RAB22A: variants seen among roughly 807,000 people sequenced by gnomAD.
RAB22A encodes the protein ras-related protein Rab-22A.
Under a neutral mutation model 30.2 loss-of-function variants are expected in RAB22A, and 13 were observed. That is an observed-to-expected ratio of 0.43 (90% confidence interval 0.28 to 0.68). The LOEUF is 0.68. Ranked by LOEUF, RAB22A falls within the 30% of genes least tolerant of loss-of-function variation. The pLI, the probability that RAB22A is intolerant of heterozygous loss-of-function variation, is 0.18. For synonymous variants in RAB22A, 89 were observed against 87.2 expected (o/e 1.02, Z -0.11); for missense variants, 177 against 246.8 (o/e 0.72, Z 1.89).
At chr20:58,314,356 C>G (rs1986294202) in intron 2 of RAB22A, among the ~76,000 whole-genome samples, 1 of 152,086 alleles carries the variant, frequency 6.6e-6, no homozygotes, top group Non-Finnish European at 1.5e-5. Context: ...TGAGCCACTG[C>G]GACCAGCCAG....
At chr20:58,349,788 A>G (rs1250970782) in intron 3 of RAB22A, among the ~76,000 whole-genome samples, 2 of 152,214 alleles carry the variant, frequency 1.3e-5, no homozygotes, top group African/African-American at 2.4e-5. Flanking sequence ...TCAGAGAAGA[A>G]AAAAACCAAG....
intron 2 of RAB22A, among the ~76,000 whole-genome samples, chr20:58,327,573 C>G (rs1986589765): frequency 6.6e-6 from 1 of 152,212 alleles, no homozygotes; most frequent in African/African-American, 2.4e-5. Flanking sequence ...GAAGAATTTG[C>G]AGTGCCTTTC....
intron 2 of RAB22A, among the ~76,000 whole-genome samples, chr20:58,333,150 G>A (rs922985760): frequency 9.2e-5 from 14 of 151,842 alleles, no homozygotes; most frequent in African/African-American, 3.1e-4. Context: ...TGTGGTGGCG[G>A]GTACGTGTAA....
chr20:58,332,536 C>G (rs1284273823), intron 2 of RAB22A, among the ~76,000 whole-genome samples: 1 of 152,118 alleles, frequency 6.6e-6, no homozygotes, highest in African/African-American at 2.4e-5. Context: ...ATAAAATGTC[C>G]ATATAAAGTC....
chr20:58,331,493 T>C (rs1478938284), intron 2 of RAB22A, among the ~76,000 whole-genome samples: 1 of 152,220 alleles, frequency 6.6e-6, no homozygotes, highest in Non-Finnish European at 1.5e-5. Context: ...ATTATATACA[T>C]TTATTGTCTA....
chr20:58,335,257 G>A (rs148504178), intron 2 of RAB22A, among the ~76,000 whole-genome samples: 1 of 152,304 alleles, frequency 6.6e-6, no homozygotes, highest in East Asian at 1.9e-4. Context: ...ATGCTGTTAT[G>A]CCGTCACCTC....
intron 2 of RAB22A, among the ~76,000 whole-genome samples, chr20:58,312,369 C>T (rs1986244745): frequency 6.6e-6 from 1 of 150,680 alleles, no homozygotes; most frequent in South Asian, 2.1e-4. Context: ...AGTCATCCTT[C>T]CACCTCAGGT....
Position 58,353,454 on chromosome 20 carries a change from A to G in RAB22A, c.293A>G (p.Asn98Ser). The part of the protein sequence containing the change: ...TKEETFSTLK[N>S]WVKELRQHGP... ...CAGGAGACATTTTCAACATTAAAGA[A>G]TTGGGTGAAAGAGCTTCGACAGCAT... Residue 98 changes from asparagine (N) to serine (S), a missense_variant, in exon 5 of 7, where the codon AAT (asparagine) becomes AGT (serine). Asn to Ser is a conservative substitution (Grantham distance 46). Transcript: ENST00000244040. 6.2e-7 allele frequency: 1 copy of G among 1,613,516 alleles called. No homozygotes were observed.
chr20:58,314,637 T>C (rs1360775327), intron 2 of RAB22A, among the ~76,000 whole-genome samples: 2 of 152,168 alleles, frequency 1.3e-5, no homozygotes, highest in East Asian at 3.9e-4. Context: ...GGTCAGGAGT[T>C]TGAGACCAGC....
rs145826316 is a variant in RAB22A, at chr20:58,323,492, A to G, written c.116+12370A>G. On this transcript the variant is annotated intron_variant, in intron 2 of 6. Coordinates refer to ENST00000244040, the MANE Select transcript of RAB22A (RefSeq NM_020673.3). Reference sequence around the variant, plus strand: ...TGAGATCAGGTAGGATCTCTAGTTCAATGTTCAATAGAAATGGTAATACTA... The same window carrying G: ...TGAGATCAGGTAGGATCTCTAGTTCGATGTTCAATAGAAATGGTAATACTA... Among the ~76,000 whole-genome samples the G allele has an allele frequency of 2.2e-3, 342 of 152,154 alleles. 1 individual carries two copies. Among genetic ancestry groups the G allele is most frequent in the African/African-American group, 7.7e-3 (321 of 41,542 alleles).
chr20:58,348,474 T>A (rs1450060436), intron 3 of RAB22A, among the ~76,000 whole-genome samples: 8 of 151,978 alleles, frequency 5.3e-5, no homozygotes, highest in Non-Finnish European at 1.2e-4. Context: ...GAAACCAGAG[T>A]CTGCAGTGCA....
In RAB22A at chr20:58,309,820, G is replaced by C; in HGVS notation, c.-157G>C. 1.6e-6 allele frequency: 1 copy of C among 641,760 alleles called. No homozygotes were observed. The highest frequency in any genetic ancestry group is 2.2e-6 in the Non-Finnish European group (1 of 449,866). The allele number at this position is 641,760 out of a possible 1,614,324, so 39.8% of individuals were successfully genotyped here. On this transcript the variant is annotated 5_prime_UTR_variant, in exon 1 of 7. Transcript: ENST00000244040. ...GCCCCACGCGGCTGGCAGCGGACAG[G>C]CCGGACCTACGGCCGGAGGACGGGC...
At chr20:58,325,772 C>T (rs966523677) in intron 2 of RAB22A, among the ~76,000 whole-genome samples, 16 of 152,140 alleles carry the variant, frequency 1.1e-4, no homozygotes, top group African/African-American at 3.9e-4. Flanking sequence ...ATAGTCCATC[C>T]TGGTAAATGT....
In RAB22A at chr20:58,356,504, G is replaced by C. The variant is rs553515696; in HGVS notation, c.487+2239G>C. ...TAAAACTGCGTGAGCACAGTGCCTG[G>C]CACACTGACTTTGTATTGAAGTATA... is the stretch of plus-strand genomic sequence containing the variant. On this transcript the variant is annotated intron_variant, in intron 6 of 6. Coordinates refer to ENST00000244040, the MANE Select transcript of RAB22A (RefSeq NM_020673.3). Among the ~76,000 whole-genome samples the C allele has an allele frequency of 4.6e-5, 7 of 152,242 alleles. No individual in the cohort carries two copies. The East Asian group carries it at 1.3e-3, about 29-fold the overall frequency.
intron 6 of RAB22A, among the ~76,000 whole-genome samples, chr20:58,354,757 C>T (rs1987105555): frequency 6.6e-6 from 1 of 152,114 alleles, no homozygotes; most frequent in Non-Finnish European, 1.5e-5. Flanking sequence ...CTTTGGGATC[C>T]TCTGCAGATC....
At chr20:58,344,476 C>A (rs1986910697) in intron 3 of RAB22A, among the ~76,000 whole-genome samples, 1 of 152,052 alleles carries the variant, frequency 6.6e-6, no homozygotes, top group African/African-American at 2.4e-5. Flanking sequence ...TCTGCCTCCT[C>A]CCCTTTGCTC....
intron 3 of RAB22A, among the ~76,000 whole-genome samples, chr20:58,349,329 G>A (rs973250471): frequency 6.6e-6 from 1 of 152,138 alleles, no homozygotes; most frequent in Non-Finnish European, 1.5e-5. Flanking sequence ...AGTGGCACAG[G>A]GTAGCTAGTA....
Position 58,316,206 on chromosome 20 carries a change from G to C in RAB22A, c.116+5084G>C, listed in dbSNP as rs115145149. Among the ~76,000 whole-genome samples the C allele has an allele frequency of 9.3e-3, 1,417 of 152,290 alleles. 23 individuals are homozygous for C. Among genetic ancestry groups the C allele is most frequent in the Middle Eastern group, 0.031 (9 of 294 alleles). On this transcript the variant is annotated intron_variant, in intron 2 of 6. Transcript: ENST00000244040. Reference sequence around the variant, plus strand: ...AGAATGTAAATGGGAGATGGACCAGGTAGAAACACTGGAGGGAGGCTCTCA... The same window carrying C: ...AGAATGTAAATGGGAGATGGACCAGCTAGAAACACTGGAGGGAGGCTCTCA...
chr20:58,327,935 T>C (rs1281787627), intron 2 of RAB22A, among the ~76,000 whole-genome samples: 1 of 152,188 alleles, frequency 6.6e-6, no homozygotes, highest in East Asian at 1.9e-4. Flanking sequence ...AACATGTGCT[T>C]TTGAACTAGA....
Sources: allele counts gnomAD v4.1 joint callset (sites outside exome capture counted in the v4.1 genomes callset), GRCh38; gene constraint gnomAD v4.1.1; transcripts MANE v1.5; gene names NCBI Gene and HGNC (gene_info 2026-07-23, HGNC 2026-07-21).